Variants in SETD5 observed in about 807,000 individuals in gnomAD.
The protein encoded by SETD5 is histone-lysine N-methyltransferase SETD5.
SETD5 carries 44 observed loss-of-function variants against 153.3 expected under a neutral mutation model. The observed-to-expected ratio is 0.29, with a 90% confidence interval of 0.23 to 0.37. SETD5 has a LOEUF of 0.37. Among genes scored for constraint, SETD5 ranks in the 10% least tolerant of loss-of-function variants. The pLI, the probability that SETD5 is intolerant of heterozygous loss-of-function variation, is 1.00. For synonymous variants in SETD5, 716 were observed against 645.2 expected, an observed-to-expected ratio of 1.11 and a Z score of -1.66; for missense variants, 1,544 against 1,768.0, an observed-to-expected ratio of 0.87 and a Z score of 2.27.
intron 17 of SETD5, among the ~76,000 whole-genome samples, chr3:9,454,612 A>C (rs1191015320): frequency 7.3e-6 from 1 of 137,144 alleles, no homozygotes; most frequent in African/African-American, 2.8e-5. Flanking sequence ...ACAAGAATGA[A>C]ACTCCGTCTC....
chr3:9,477,701 T>TA lies in SETD5; in HGVS notation c.*1613dup, dbSNP rs1422466172. 1.7e-3 allele frequency: 243 copies of TA among 146,458 alleles called. 5 individuals are homozygous for TA. The highest frequency in any genetic ancestry group is 5.9e-3 in the African/African-American group (221 of 37,434). The allele number at this position is 146,458 out of a possible 1,614,324, so 9.1% of individuals were successfully genotyped here. Reference sequence around the variant, plus strand: ...GAGATTTTTTTTTTTTTTTTTTTTTTAAATGCTGAGACCTCAGCAGAGTAC... The same window carrying TA: ...GAGATTTTTTTTTTTTTTTTTTTTTTAAAATGCTGAGACCTCAGCAGAGTAC... On this transcript the variant is annotated 3_prime_UTR_variant, in exon 23 of 23. Transcript: ENST00000402198.
At chr3:9,474,218 T>C (rs907801350) in intron 20 of SETD5, among the ~76,000 whole-genome samples, 15 of 152,220 alleles carry the variant, frequency 9.9e-5, no homozygotes, top group African/African-American at 3.4e-4. Flanking sequence ...GAAGTTAACA[T>C]CTTTAACCCA....
intron 17 of SETD5, among the ~76,000 whole-genome samples, chr3:9,457,975 A>C (rs1468792582): frequency 1.3e-5 from 2 of 152,170 alleles, no homozygotes; most frequent in African/African-American, 4.8e-5. Context: ...TTGAGGTGTA[A>C]GACGAGCTTC....
At chr3:9,446,923 G>A (rs561148772) in intron 13 of SETD5, 127 bp from the exon 14 acceptor site, 8 of 632,288 alleles carry the variant, frequency 1.3e-5, no homozygotes, top group Middle Eastern at 4.3e-4. Context: ...TGTTTTCCAA[G>A]TTATATGTGT....
intron 14 of SETD5, 99 bp from the exon 15 acceptor site, chr3:9,447,587 T>C: frequency 7.6e-7 from 1 of 1,312,912 alleles, no homozygotes; most frequent in Non-Finnish European, 1.1e-6. Flanking sequence ...CCTTATATTT[T>C]TCATCAGTAG....
intron 17 of SETD5, among the ~76,000 whole-genome samples, chr3:9,460,010 G>T (rs1002754210): frequency 2.0e-5 from 3 of 151,702 alleles, no homozygotes; most frequent in African/African-American, 7.3e-5. Context: ...ATTTAATATA[G>T]TCTAAGTAAT....
At chr3:9,466,424 G>A (rs1055997216) in intron 18 of SETD5, among the ~76,000 whole-genome samples, 1 of 151,548 alleles carries the variant, frequency 6.6e-6, no homozygotes, top group Non-Finnish European at 1.5e-5. Flanking sequence ...AAGTGGTTTT[G>A]GTTTTGTTTT....
rs2045833478 is a variant in SETD5, at chr3:9,476,129, A to G, written c.*38A>G. Reference sequence around the variant, plus strand: ...TGGGCAAACAGAACTGAATGAGCCCATAGCTGCTTCCTTCCAGCTGCCTCT... The same window carrying G: ...TGGGCAAACAGAACTGAATGAGCCCGTAGCTGCTTCCTTCCAGCTGCCTCT... On this transcript the variant is annotated 3_prime_UTR_variant, in exon 23 of 23. Transcript: ENST00000402198. The G allele has an allele frequency of 1.3e-6, 2 of 1,585,420 alleles. No homozygotes were observed. Among genetic ancestry groups the G allele is most frequent in the East Asian group, 4.5e-5 (2 of 44,222 alleles).
chr3:9,420,023 A>G (rs1170690746), intron 1 of SETD5, among the ~76,000 whole-genome samples: 2 of 152,040 alleles, frequency 1.3e-5, no homozygotes, highest in African/African-American at 4.8e-5. Flanking sequence ...TGAGAGTATA[A>G]CTCTTTAAAG....
intron 1 of SETD5, among the ~76,000 whole-genome samples, chr3:9,403,919 C>CT (rs1340145805): frequency 1.3e-5 from 2 of 151,928 alleles, no homozygotes; most frequent in Non-Finnish European, 1.5e-5. Context: ...TGCGTCAGTT[C>CT]TTTTTTTAAA....
At chr3:9,441,534 T>TA in intron 8 of SETD5, 59 bp from the exon 9 acceptor site, 2 of 1,487,120 alleles carry the variant, frequency 1.3e-6, no homozygotes, top group Non-Finnish European at 1.9e-6. Flanking sequence ...TGAAGTAATT[T>TA]GAGTGTCTAC....
chr3:9,458,730 AAT>A (rs1323715186), intron 17 of SETD5, among the ~76,000 whole-genome samples: 1 of 152,218 alleles, frequency 6.6e-6, no homozygotes, highest in African/African-American at 2.4e-5. Flanking sequence ...GCCGGGGAGT[AAT>A]ATCCCTGCTA....
At chr3:9,413,292 A>G (rs549890439) in intron 1 of SETD5, among the ~76,000 whole-genome samples, 21 of 152,342 alleles carry the variant, frequency 1.4e-4, no homozygotes, top group African/African-American at 3.8e-4. Flanking sequence ...TCTGGAGAGC[A>G]TTCCTGAAGA....
chr3:9,430,075 G>GT, intron 3 of SETD5: 1 of 1,051,522 alleles, frequency 9.5e-7, no homozygotes. Flanking sequence ...TAATTCCCCT[G>GT]TTTCTCTTGC....
chr3:9,421,395 C>A (rs1479109847), intron 1 of SETD5, among the ~76,000 whole-genome samples: 1 of 152,020 alleles, frequency 6.6e-6, no homozygotes, highest in Non-Finnish European at 1.5e-5. Flanking sequence ...GCCTCAGCCT[C>A]CCAAAGTGCT....
At chr3:9,437,522 C>CGTGT (rs6147703) in intron 7 of SETD5, among the ~76,000 whole-genome samples, 3,126 of 145,096 alleles carry the variant, frequency 0.022, 35 homozygotes, top group Non-Finnish European at 0.024. Flanking sequence ...TCCTCCTTTA[C>CGTGT]GTGTGTGTGT....
intron 18 of SETD5, among the ~76,000 whole-genome samples, chr3:9,465,120 A>G (rs1456175927): frequency 6.6e-6 from 1 of 152,102 alleles, no homozygotes; most frequent in Non-Finnish European, 1.5e-5. Context: ...GTTGTTTGGT[A>G]TTTTCATTGT....
intron 1 of SETD5, chr3:9,398,369 G>C (rs374652681): frequency 1.3e-5 from 2 of 150,320 alleles, no homozygotes; most frequent in Non-Finnish European, 2.9e-5. Context: ...TTCTCTCCCC[G>C]ATCCCCCACT....
intron 17 of SETD5, among the ~76,000 whole-genome samples, chr3:9,455,381 C>T (rs1360306439): frequency 1.3e-5 from 2 of 151,848 alleles, no homozygotes; most frequent in African/African-American, 2.4e-5. Context: ...GCTGGGATTA[C>T]AGGCATGAGC....
Sources: gnomAD v4.1 joint callset for allele counts (sites outside exome capture counted in the v4.1 genomes callset) on GRCh38, gnomAD v4.1.1 for gene constraint, MANE v1.5 for transcripts, NCBI Gene and HGNC (gene_info 2026-07-23, HGNC 2026-07-21) for gene names.